RORA: variants seen among roughly 807,000 people sequenced by gnomAD.
RORA encodes RAR related orphan receptor A, also known as nuclear receptor ROR-alpha.
A neutral mutation model predicts 69.5 loss-of-function variants in RORA; 7 were observed. That is an observed-to-expected ratio of 0.10 (90% CI 0.06 to 0.19). The LOEUF (loss-of-function observed/expected upper bound fraction) is 0.19. RORA is among the 10% of genes least tolerant of loss of function. The pLI is 1.00. For synonymous variants in RORA, 261 were observed against 240.8 expected (o/e 1.08, Z -0.78); for missense variants, 457 against 663.0 (o/e 0.69, Z 3.41).
intron 1 of RORA, among the ~76,000 whole-genome samples, chr15:60,821,897 G>T (rs1374242747): frequency 1.3e-5 from 2 of 152,220 alleles, no homozygotes; most frequent in African/African-American, 4.8e-5. Flanking sequence ...CATGTGGTCA[G>T]CTGAGGATTG....
At chr15:61,205,212 G>A (rs1322494819) in intron 1 of RORA, among the ~76,000 whole-genome samples, 1 of 152,192 alleles carries the variant, frequency 6.6e-6, no homozygotes, top group Non-Finnish European at 1.5e-5. Context: ...ACAGAGCCTG[G>A]CTGAATAAAG....
Position 61,061,416 on chromosome 15 carries a change from A to G in RORA, c.166+167637T>C, listed in dbSNP as rs1165065484. 6.7e-6 allele frequency among the ~76,000 whole-genome samples: 1 copy of G among 149,488 alleles called. No homozygotes were observed. Among genetic ancestry groups the G allele is most frequent in the Non-Finnish European group, 1.5e-5 (1 of 67,002 alleles). ...AAATAAATACAAGGGCATCGCAGGAAGTCCTGATGTCAAGGTAATGCGGCC... is the reference window on the plus strand; with the variant it reads ...AAATAAATACAAGGGCATCGCAGGAGGTCCTGATGTCAAGGTAATGCGGCC... On this transcript the variant is annotated intron_variant, in intron 1 of 10. Coordinates refer to ENST00000335670, the MANE Select transcript of RORA (RefSeq NM_134261.3). This position sits in a 1 kb window ranked among gnomAD's most constrained non-coding sequence, Gnocchi z 4.4.
At position 60,511,362 on chromosome 15, in the gene RORA, G is replaced by A; in HGVS notation, c.684C>T (p.Ser228=). 2 of 1,614,200 alleles carry A rather than the reference G, an allele frequency of 1.2e-6. No individual in the cohort carries two copies. Among genetic ancestry groups the A allele is most frequent in the Non-Finnish European group, 1.7e-6 (2 of 1,180,044 alleles). Reference sequence around the variant, plus strand: ...TGATATCAAGACCTGACTGGTCTGGGGAAGGCTGTATGTCCAGGTAGAAGC... The same window carrying A: ...TGATATCAAGACCTGACTGGTCTGGAGAAGGCTGTATGTCCAGGTAGAAGC... ...VSSFYLDIQP[S]PDQSGLDING... is the part of the protein sequence containing the mutation. Residue 228 remains serine, a synonymous_variant, in exon 5 of 11, where the codon TCC becomes TCT. Coordinates refer to ENST00000335670, the MANE Select transcript of RORA (RefSeq NM_134261.3). This position sits in a 1 kb window ranked among gnomAD's most constrained non-coding sequence, Gnocchi z 6.4.
intron 1 of RORA, among the ~76,000 whole-genome samples, chr15:60,845,785 C>T (rs991332914): frequency 1.3e-5 from 2 of 152,212 alleles, no homozygotes; most frequent in Non-Finnish European, 2.9e-5. Context: ...CTTGCTCTGT[C>T]GCCCAGGCTG....
Position 61,226,475 on chromosome 15 carries a change from C to T in RORA, c.166+2578G>A, listed in dbSNP as rs962204893. Among the ~76,000 whole-genome samples the T allele has an allele frequency of 8.5e-5, 13 of 152,172 alleles. No homozygotes were observed. The highest frequency in any genetic ancestry group is 3.1e-4 in the African/African-American group (13 of 41,436). On this transcript the variant is annotated intron_variant, in intron 1 of 10. Coordinates refer to ENST00000335670, the MANE Select transcript of RORA (RefSeq NM_134261.3). The surrounding 1 kb of genome is among the most constrained non-coding windows in gnomAD (Gnocchi z 4.2). The stretch of plus-strand genomic sequence containing the variant: ...GATGCCAGCTCCAATTTTCTTACTG[C>T]TTACACTCTGGGAGCCGGCTTGCAT...
chr15:60,929,910 C>T (rs917753573), intron 1 of RORA, among the ~76,000 whole-genome samples: 3 of 152,204 alleles, frequency 2.0e-5, no homozygotes, highest in African/African-American at 2.4e-5. Flanking sequence ...TGCCTTCAGA[C>T]GCATATGGTT....
At chr15:60,803,521 A>G (rs796753820) in intron 1 of RORA, among the ~76,000 whole-genome samples, 19 of 152,204 alleles carry the variant, frequency 1.2e-4, no homozygotes, top group African/African-American at 4.3e-4. Context: ...AAGAAAAGGC[A>G]AGGAATTGAA....
At chr15:61,224,756 G>A (rs114202361) in intron 1 of RORA, among the ~76,000 whole-genome samples, 2,398 of 152,246 alleles carry the variant, frequency 0.016, 71 homozygotes, top group African/African-American at 0.054. Context: ...ATTTTTATCC[G>A]GAGGCACATC....
intron 2 of RORA, among the ~76,000 whole-genome samples, chr15:60,637,245 T>C (rs1475133009): frequency 6.6e-6 from 1 of 152,122 alleles, no homozygotes; most frequent in Non-Finnish European, 1.5e-5. Flanking sequence ...TCATGCTATC[T>C]TGTTAGGCCT....
In RORA at chr15:61,213,281, C is replaced by T. The variant is rs995751769; in HGVS notation, c.166+15772G>A. 6.6e-6 allele frequency among the ~76,000 whole-genome samples: 1 copy of T among 152,190 alleles called. No homozygotes were observed. The highest frequency in any genetic ancestry group is 1.5e-5 in the Non-Finnish European group (1 of 68,030). ...CGCCTTCCACTCCCAACCCTCACCC[C>T]AGTCTTGGCCTTCAATATCAGTCAC... On this transcript the variant is annotated intron_variant, in intron 1 of 10. Transcript: ENST00000335670. This position sits in a 1 kb window ranked among gnomAD's most constrained non-coding sequence, Gnocchi z 4.1.
At chr15:60,701,760 C>T (rs1382057291) in intron 1 of RORA, among the ~76,000 whole-genome samples, 2 of 151,880 alleles carry the variant, frequency 1.3e-5, no homozygotes, top group Non-Finnish European at 2.9e-5. Flanking sequence ...CCTCTCCTTC[C>T]GTATTGCAAA....
intron 3 of RORA, among the ~76,000 whole-genome samples, chr15:60,518,920 C>G (rs149873186): frequency 6.6e-6 from 1 of 152,120 alleles, no homozygotes; most frequent in African/African-American, 2.4e-5. Flanking sequence ...CAGTTACTTG[C>G]GTCAACTGCA....
intron 1 of RORA, among the ~76,000 whole-genome samples, chr15:61,001,523 T>C (rs1437469043): frequency 1.3e-5 from 2 of 152,224 alleles, no homozygotes; most frequent in African/African-American, 2.4e-5. Flanking sequence ...TATCTACCAC[T>C]ATAAGCAAGC....
At chr15:61,219,372 A>C (rs2080072292) in intron 1 of RORA, among the ~76,000 whole-genome samples, 1 of 152,194 alleles carries the variant, frequency 6.6e-6, no homozygotes, top group Non-Finnish European at 1.5e-5. Flanking sequence ...CAGGAGATCG[A>C]GACCAACCTG....
In RORA at chr15:60,724,825, T is replaced by C. The variant is rs543070869; in HGVS notation, c.167-46139A>G. 4.6e-5 allele frequency among the ~76,000 whole-genome samples: 7 copies of C among 152,286 alleles called. No homozygotes were observed. The South Asian group carries it at 1.5e-3, about 32-fold the overall frequency. On this transcript the variant is annotated intron_variant, in intron 1 of 10. Coordinates refer to ENST00000335670, the MANE Select transcript of RORA (RefSeq NM_134261.3). ...ACTGAATGAATGAGGGTCCCACCAC[T>C]TTCCGGTGAATACTGTGCCTGAGAT...
At chr15:61,021,252 G>A (rs1020005846) in intron 1 of RORA, among the ~76,000 whole-genome samples, 7 of 152,326 alleles carry the variant, frequency 4.6e-5, no homozygotes, top group South Asian at 2.1e-4. Context: ...TGACTGCGAT[G>A]TTTCAGCCTC....
chr15:61,151,736 T>C (rs781490083), intron 1 of RORA, among the ~76,000 whole-genome samples: 1 of 152,236 alleles, frequency 6.6e-6, no homozygotes, highest in Non-Finnish European at 1.5e-5. Context: ...TGACCTCTAA[T>C]ATACTTTTTG....
At chr15:60,967,831 C>A (rs1040310467) in intron 1 of RORA, among the ~76,000 whole-genome samples, 10 of 152,158 alleles carry the variant, frequency 6.6e-5, no homozygotes, top group African/African-American at 2.2e-4. Context: ...TCACAGGCAC[C>A]TTTTAGTAAA....
Position 60,819,746 on chromosome 15 carries a change from G to GACACACACACACACAC in RORA, c.167-141076_167-141061dup, listed in dbSNP as rs59044853. 4.9e-3 allele frequency among the ~76,000 whole-genome samples: 581 copies of GACACACACACACACAC among 119,322 alleles called. 11 individuals are homozygous for GACACACACACACACAC. Among genetic ancestry groups the GACACACACACACACAC allele is most frequent in the African/African-American group, 0.017 (500 of 29,876 alleles). The allele number at this position is 119,322 out of a possible 152,430, so 78.3% of individuals were successfully genotyped here. A position where few individuals can be genotyped will look rare whatever the true frequency, so the allele number is the denominator to read the frequency against. On this transcript the variant is annotated intron_variant, in intron 1 of 10. Transcript: ENST00000335670. ...CACTCCTGGACTGAAGTCAAACCCA[G>GACACACACACACACAC]ACACACACACACACACACACACACA... is the stretch of plus-strand genomic sequence containing the variant.
Sources: allele counts gnomAD v4.1 joint callset (sites outside exome capture counted in the v4.1 genomes callset), GRCh38; gene constraint gnomAD v4.1.1; non-coding constraint Gnocchi (gnomAD v3.1); transcripts MANE v1.5; gene names NCBI Gene and HGNC (gene_info 2026-07-23, HGNC 2026-07-21).